NPEPPS: variants seen among roughly 807,000 people sequenced by gnomAD.
The protein encoded by NPEPPS is puromycin-sensitive aminopeptidase.
A neutral mutation model predicts 115.5 loss-of-function variants in NPEPPS; 14 were observed. The ratio of observed to expected loss-of-function variants is 0.12; its 90% CI spans 0.08 to 0.19. The LOEUF (loss-of-function observed/expected upper bound fraction) is 0.19. NPEPPS is among the 10% of genes least tolerant of loss of function. The pLI, the probability that NPEPPS is intolerant of heterozygous loss-of-function variation, is 1.00. For missense variants in NPEPPS, 523 were observed against 1,110.8 expected (o/e 0.47, Z 7.52); for synonymous variants, 285 against 390.6 (o/e 0.73, Z 3.19).
rs377284985 is a variant in NPEPPS at position 47,557,764 on chromosome 17, T to C, written c.341-11653T>C. 3.1e-4 allele frequency among the ~76,000 whole-genome samples: 46 copies of C among 149,198 alleles called. 2 individuals carry two copies. In the East Asian group the frequency reaches 4.0e-3, roughly 13 times the overall value. On this transcript the variant is annotated intron_variant, in intron 2 of 22. Transcript: ENST00000322157. ...TAGCTTTGTGAGAGTACCTGTAATGTTGACATACTATAAAGGGTACATATT... is the reference window on the plus strand; with the variant it reads ...TAGCTTTGTGAGAGTACCTGTAATGCTGACATACTATAAAGGGTACATATT...
At chr17:47,536,479 G>GC (rs1360646641) in intron 1 of NPEPPS, among the ~76,000 whole-genome samples, 6 of 140,200 alleles carry the variant, frequency 4.3e-5, no homozygotes, top group Non-Finnish European at 6.1e-5. Flanking sequence ...CGCAGCCTCT[G>GC]CCCCCCCAGG....
intron 8 of NPEPPS, 36 bp from the exon 9 acceptor site, chr17:47,587,194 T>C: frequency 6.6e-7 from 1 of 1,523,394 alleles, no homozygotes; most frequent in Non-Finnish European, 8.8e-7. Flanking sequence ...ACTTTTATTG[T>C]TTAAATTTGT....
rs529746667 is a variant in NPEPPS, at chr17:47,576,240, A to T, written c.419-3150A>T. Among the ~76,000 whole-genome samples the T allele has an allele frequency of 1.6e-4, 24 of 152,322 alleles. No individual in the cohort carries two copies. In the South Asian group the frequency reaches 4.8e-3, roughly 30 times the overall value. On this transcript the variant is annotated intron_variant, in intron 3 of 22. Coordinates refer to ENST00000322157, the MANE Select transcript of NPEPPS (RefSeq NM_006310.4). ...GCTGAGGGTCCTAAGGGTGGCATTT[A>T]TATGGAGAAACACTGGTAGTTGTCA...
intron 18 of NPEPPS, among the ~76,000 whole-genome samples, chr17:47,612,819 C>T (rs1317058907): frequency 6.6e-6 from 1 of 152,076 alleles, no homozygotes; most frequent in Non-Finnish European, 1.5e-5. Context: ...GCCGCCACCA[C>T]GCCCAGCTAA....
At chr17:47,551,411 A>T (rs1322816509) in intron 2 of NPEPPS, among the ~76,000 whole-genome samples, 2 of 150,514 alleles carry the variant, frequency 1.3e-5, no homozygotes, top group African/African-American at 4.9e-5. Flanking sequence ...TACCCCTGTA[A>T]ATACCAAGGT....
At chr17:47,550,450 G>C (rs1909567668) in intron 2 of NPEPPS, among the ~76,000 whole-genome samples, 1 of 141,042 alleles carries the variant, frequency 7.1e-6, no homozygotes, top group South Asian at 2.3e-4. Flanking sequence ...TAAAGAACTT[G>C]TTTTAAAATA....
intron 13 of NPEPPS, among the ~76,000 whole-genome samples, chr17:47,599,330 A>G (rs1913051043): frequency 6.6e-6 from 1 of 152,194 alleles, no homozygotes; most frequent in African/African-American, 2.4e-5. Flanking sequence ...AAGTTTATCC[A>G]TGAAACTCAT....
intron 1 of NPEPPS, among the ~76,000 whole-genome samples, chr17:47,544,711 CTT>C (rs938067387): frequency 8.8e-6 from 1 of 114,230 alleles, no homozygotes; most frequent in Non-Finnish European, 1.7e-5. Context: ...TTTTTGTATT[CTT>C]TTTTTTTTTT....
At chr17:47,540,608 A>G (rs187576721) in intron 1 of NPEPPS, among the ~76,000 whole-genome samples, 7 of 152,346 alleles carry the variant, frequency 4.6e-5, no homozygotes, top group Non-Finnish European at 7.3e-5. Flanking sequence ...CTGATATCCA[A>G]AGTGCCATAT....
intron 21 of NPEPPS, 196 bp downstream of exon 21, chr17:47,619,360 C>A (rs776953489): frequency 1.7e-5 from 10 of 601,930 alleles, no homozygotes; most frequent in Non-Finnish European, 2.7e-5. Context: ...TCGAGACTAT[C>A]CTGGCCAACA....
intron 19 of NPEPPS, among the ~76,000 whole-genome samples, chr17:47,617,511 A>ATAT (rs1555613524): frequency 8.9e-4 from 135 of 151,462 alleles, no homozygotes; most frequent in Admixed American, 1.5e-3. Flanking sequence ...ATATATATAT[A>ATAT]TTTTTTAGGA....
chr17:47,598,634 A>C (rs2143904612), intron 13 of NPEPPS, among the ~76,000 whole-genome samples: 1 of 152,386 alleles, frequency 6.6e-6, no homozygotes, highest in Admixed American at 6.5e-5. Context: ...TTGAAATGTT[A>C]ATGATTACAC....
chr17:47,591,839 G>C, intron 10 of NPEPPS, 117 bp from the exon 11 acceptor site: 1 of 540,446 alleles, frequency 1.9e-6, no homozygotes, highest in Middle Eastern at 4.8e-4. Flanking sequence ...TACATTATGA[G>C]TGAGTTAAAG....
chr17:47,606,804 A>G (rs1913547071), intron 17 of NPEPPS, among the ~76,000 whole-genome samples: 1 of 151,858 alleles, frequency 6.6e-6, no homozygotes, highest in African/African-American at 2.4e-5. Flanking sequence ...GTGAAACAGC[A>G]GCAACCCAAA....
intron 2 of NPEPPS, among the ~76,000 whole-genome samples, chr17:47,562,886 T>A (rs1910532516): frequency 6.6e-6 from 1 of 152,128 alleles, no homozygotes; most frequent in Non-Finnish European, 1.5e-5. Context: ...GTGTTATTCT[T>A]GTTATTGATT....
At chr17:47,536,673 G>T (rs145358525) in intron 1 of NPEPPS, among the ~76,000 whole-genome samples, 6,838 of 148,018 alleles carry the variant, frequency 0.046, 212 homozygotes, top group Middle Eastern at 0.17. Flanking sequence ...GGGATTATGG[G>T]CGTGAGCCAC....
intron 14 of NPEPPS, among the ~76,000 whole-genome samples, chr17:47,600,952 G>A (rs990333880): frequency 8.5e-5 from 13 of 152,208 alleles, no homozygotes; most frequent in African/African-American, 2.9e-4. Context: ...GCTGGGCGCA[G>A]TGGCTTATAC....
intron 1 of NPEPPS, among the ~76,000 whole-genome samples, chr17:47,536,418 G>A (rs1451814602): frequency 8.8e-6 from 1 of 113,630 alleles, no homozygotes; most frequent in Non-Finnish European, 1.7e-5. Context: ...TTGAGATGGA[G>A]TTTCGCTCTT....
chr17:47,585,000 T>C (rs1348415250), intron 5 of NPEPPS, among the ~76,000 whole-genome samples: 3 of 152,086 alleles, frequency 2.0e-5, no homozygotes, highest in African/African-American at 4.8e-5. Context: ...GCTAATGTTT[T>C]GTATTTTTAG....
Sources: gnomAD v4.1 joint callset for allele counts (sites outside exome capture counted in the v4.1 genomes callset) on GRCh38, gnomAD v4.1.1 for gene constraint, MANE v1.5 for transcripts, NCBI Gene and HGNC (gene_info 2026-07-23, HGNC 2026-07-21) for gene names.